The following ZDHHC13 variants were observed in gnomAD, a reference collection of about 807,000 sequenced individuals.
The protein encoded by ZDHHC13 is palmitoyltransferase ZDHHC13.
Under a neutral mutation model 86.0 loss-of-function variants are expected in ZDHHC13, and 85 were observed. The observed-to-expected ratio is 0.99, with a 90% confidence interval of 0.83 to 1.18. The LOEUF (loss-of-function observed/expected upper bound fraction) is 1.18. Ranked by LOEUF, ZDHHC13 falls within the 50% of genes most tolerant of loss-of-function variation. The pLI, the probability that ZDHHC13 is intolerant of heterozygous loss-of-function variation, is 0.00. For missense variants in ZDHHC13, 711 were observed against 730.2 expected (o/e 0.97, Z 0.30); for synonymous variants, 263 against 246.4 (o/e 1.07, Z -0.63).
chr11:19,166,293 T>A lies in ZDHHC13; in HGVS notation c.1391-9T>A. 1.3e-6 allele frequency: 2 copies of A among 1,599,770 alleles called. No homozygotes were observed. Among genetic ancestry groups the A allele is most frequent in the Non-Finnish European group, 1.7e-6 (2 of 1,175,892 alleles). On this transcript the variant is annotated splice_polypyrimidine_tract_variant and intron_variant, in intron 13 of 16. Transcript: ENST00000446113. ...AATATTAAGTATGTTTTTTTTCTTT[T>A]TTCTTGAGGTTTTGGCAACCATCAC...
At chr11:19,126,151 G>T (rs1590059944) in intron 1 of ZDHHC13, among the ~76,000 whole-genome samples, 1 of 151,988 alleles carries the variant, frequency 6.6e-6, no homozygotes, top group Admixed American at 6.6e-5. Flanking sequence ...TAGGTTTGGG[G>T]ATACATGTGC....
chr11:19,170,177 T>A, intron 14 of ZDHHC13: 1 of 1,320,304 alleles, frequency 7.6e-7, no homozygotes, highest in Non-Finnish European at 9.6e-7. Context: ...TCTTTATTCC[T>A]TCACTGTTAA....
At chr11:19,142,742 CT>C (rs548110970) in intron 1 of ZDHHC13, among the ~76,000 whole-genome samples, 386 of 145,894 alleles carry the variant, frequency 2.6e-3, no homozygotes, top group African/African-American at 8.9e-3. Flanking sequence ...CTTTTTTTTT[CT>C]TTTTTTTTTG....
chr11:19,143,244 G>A, intron 2 of ZDHHC13, 121 bp downstream of exon 2: 1 of 1,052,892 alleles, frequency 9.5e-7, no homozygotes, highest in Non-Finnish European at 1.3e-6. Context: ...GTTAACACCA[G>A]CACCAGTATA....
intron 1 of ZDHHC13, among the ~76,000 whole-genome samples, chr11:19,140,809 T>G (rs569147365): frequency 6.6e-6 from 1 of 151,308 alleles, no homozygotes; most frequent in African/African-American, 2.4e-5. Flanking sequence ...AGTAAACTAT[T>G]GCAAGAACAA....
rs1253799053 is a variant in ZDHHC13 at position 19,142,915 on chromosome 11, CATTATGTA to C, written c.28-59_28-52del. Reference sequence around the variant, plus strand: ...ATATTGTTGATAGTAGCAAATGCTTCATTATGTAATTGAGTGTGACATTAATTCTCTCA... The same window carrying C: ...ATATTGTTGATAGTAGCAAATGCTTCATTGAGTGTGACATTAATTCTCTCA... On this transcript the variant is annotated intron_variant, in intron 1 of 16. Transcript: ENST00000446113. The C allele has an allele frequency of 2.5e-5, 37 of 1,465,338 alleles. No individual in the cohort carries two copies. The African/African-American group carries it at 4.8e-4, about 19-fold the overall frequency. The allele number at this position is 1,465,338 out of a possible 1,614,324, so 90.8% of individuals were successfully genotyped here. A position where few individuals can be genotyped will look rare whatever the true frequency, so the allele number is the denominator to read the frequency against.
chr11:19,140,127 C>A (rs1186230090), intron 1 of ZDHHC13, among the ~76,000 whole-genome samples: 1 of 149,636 alleles, frequency 6.7e-6, no homozygotes, highest in Non-Finnish European at 1.5e-5. Context: ...AGTGAACAGG[C>A]AACCTACAAC....
intron 15 of ZDHHC13, among the ~76,000 whole-genome samples, chr11:19,172,474 A>G (rs1240257001): frequency 1.3e-5 from 2 of 152,210 alleles, no homozygotes; most frequent in Non-Finnish European, 2.9e-5. Flanking sequence ...TTTAAATGAG[A>G]TAACTCTGTG....
chr11:19,129,083 C>T (rs528848477), intron 1 of ZDHHC13, among the ~76,000 whole-genome samples: 29 of 151,988 alleles, frequency 1.9e-4, no homozygotes, highest in Non-Finnish European at 4.1e-4. Flanking sequence ...CTGAACACAC[C>T]AAAAAATGCA....
At chr11:19,147,455 A>G (rs1849495208) in intron 3 of ZDHHC13, 141 bp from the exon 4 acceptor site, 5 of 655,196 alleles carry the variant, frequency 7.6e-6, no homozygotes, top group East Asian at 2.8e-5. Context: ...TCATATTTCT[A>G]TAGATCTGGG....
At chr11:19,139,143 A>G (rs915856737) in intron 1 of ZDHHC13, among the ~76,000 whole-genome samples, 3 of 152,070 alleles carry the variant, frequency 2.0e-5, no homozygotes, top group Admixed American at 2.0e-4. Context: ...TGCAGACGAC[A>G]TGATTGTATA....
intron 10 of ZDHHC13, among the ~76,000 whole-genome samples, chr11:19,160,322 G>A (rs1849876017): frequency 6.6e-6 from 1 of 151,660 alleles, no homozygotes; most frequent in Non-Finnish European, 1.5e-5. Flanking sequence ...TTACTGATTT[G>A]GTGGCAGTTT....
At position 19,153,482 on chromosome 11, in the gene ZDHHC13, G is replaced by C. The variant is rs530100002; in HGVS notation, c.873+798G>C. Reference sequence around the variant, plus strand: ...TTAACAGACACTGTATTCTTATGTAGAGGATCATCATGAATGCTACACTGC... The same window carrying C: ...TTAACAGACACTGTATTCTTATGTACAGGATCATCATGAATGCTACACTGC... On this transcript the variant is annotated intron_variant, in intron 8 of 16. Transcript: ENST00000446113. Among the ~76,000 whole-genome samples the C allele has an allele frequency of 3.3e-5, 5 of 152,256 alleles. No individual in the cohort carries two copies. The East Asian group carries it at 9.7e-4, about 29-fold the overall frequency.
Position 19,117,770 on chromosome 11 carries a change from A to C in ZDHHC13, c.27+494A>C, listed in dbSNP as rs1433516693. The C allele has an allele frequency of 6.5e-6, 1 of 154,572 alleles. No homozygotes were observed. The highest frequency in any genetic ancestry group is 1.4e-5 in the Non-Finnish European group (1 of 69,720). 9.6% of individuals were successfully genotyped at this position (154,572 alleles called of 1,614,324 possible). On this transcript the variant is annotated intron_variant, in intron 1 of 16. Transcript: ENST00000446113. The surrounding 1 kb of genome is among the most constrained non-coding windows in gnomAD (Gnocchi z 4.2). ...TTTCCGCATCCTTGCTTACTCCTTG[A>C]AATAATTAAGGCTGCTTGTTTAGGA...
chr11:19,159,077 T>A, intron 10 of ZDHHC13, 37 bp downstream of exon 10: 1 of 1,448,228 alleles, frequency 6.9e-7, no homozygotes, highest in Non-Finnish European at 9.4e-7. Flanking sequence ...TGTATCTCAT[T>A]TTGCCTTTAA....
chr11:19,159,106 A>C (rs1849838719), intron 10 of ZDHHC13, 66 bp downstream of exon 10: 15 of 1,183,862 alleles, frequency 1.3e-5, no homozygotes, highest in Admixed American at 2.4e-5. Flanking sequence ...TGTTATTGTT[A>C]GGAATTTAGG....
Position 19,117,210 on chromosome 11 carries a change from A to G in ZDHHC13, c.-40A>G, listed in dbSNP as rs1446981974. 2.6e-6 allele frequency: 4 copies of G among 1,531,094 alleles called. No individual in the cohort carries two copies. Among genetic ancestry groups the G allele is most frequent in the African/African-American group, 2.8e-5 (2 of 72,192 alleles). The allele number at this position is 1,531,094 out of a possible 1,614,324, so 94.8% of individuals were successfully genotyped here. ...GGCTGGCGGGCTGGCGGCAGTCGCTACTTGCCTAGTAGCCTCAGCCGCTGT... is the reference window on the plus strand; with the variant it reads ...GGCTGGCGGGCTGGCGGCAGTCGCTGCTTGCCTAGTAGCCTCAGCCGCTGT... On this transcript the variant is annotated 5_prime_UTR_variant, in exon 1 of 17. Coordinates refer to ENST00000446113, the MANE Select transcript of ZDHHC13 (RefSeq NM_019028.3). The surrounding 1 kb of genome is among the most constrained non-coding windows in gnomAD (Gnocchi z 4.2).
chr11:19,172,769 A>T lies in ZDHHC13; in HGVS notation c.1679A>T (p.Lys560Met). 1 of 1,606,756 alleles carries T rather than the reference A, an allele frequency of 6.2e-7. No homozygotes were observed. The highest frequency in any genetic ancestry group is 8.5e-7 in the Non-Finnish European group (1 of 1,176,542). The change falls in exon 16 of 17, where the codon AAG (lysine) becomes ATG (methionine). Residue 560 changes from lysine to methionine, a missense_variant. Transcript: ENST00000446113. ...LTSHERISLQ[K>M]QSKHMKQTLS... Reference sequence around the variant, plus strand: ...TCCCATGAGAGAATCAGCCTGCAGAAGCAGAGCAAGCATATGAAACAGACG... The same window carrying T: ...TCCCATGAGAGAATCAGCCTGCAGATGCAGAGCAAGCATATGAAACAGACG...
chr11:19,169,124 C>A, intron 14 of ZDHHC13: 1 of 985,466 alleles, frequency 1.0e-6, no homozygotes, highest in Non-Finnish European at 1.2e-6. Flanking sequence ...AGTGTGAGAT[C>A]ATGCTGTATT....
Sources: allele counts gnomAD v4.1 joint callset (sites outside exome capture counted in the v4.1 genomes callset), GRCh38; gene constraint gnomAD v4.1.1; non-coding constraint Gnocchi (gnomAD v3.1); transcripts MANE v1.5; gene names NCBI Gene and HGNC (gene_info 2026-07-23, HGNC 2026-07-21).